EFCC1: variants seen among roughly 807,000 people sequenced by gnomAD.
EFCC1 encodes EF-hand and coiled-coil domain-containing protein 1.
A neutral mutation model predicts 52.1 loss-of-function variants in EFCC1; 50 were observed. The ratio of observed to expected loss-of-function variants is 0.96; its 90% CI spans 0.76 to 1.21. EFCC1 has a LOEUF of 1.21. Among genes scored for constraint, EFCC1 ranks in the 50% most tolerant of loss-of-function variants. The pLI is 0.00. For synonymous variants in EFCC1, 399 were observed against 396.5 expected, an observed-to-expected ratio of 1.01 and a Z score of -0.08; for missense variants, 837 against 867.3, an observed-to-expected ratio of 0.97 and a Z score of 0.44.
At chr3:129,021,049 G>T (rs1472111776) in intron 2 of EFCC1, among the ~76,000 whole-genome samples, 7 of 152,300 alleles carry the variant, frequency 4.6e-5, no homozygotes, top group Non-Finnish European at 2.9e-5. Flanking sequence ...GAAATTCGTG[G>T]GGAGGAGGGT....
chr3:129,002,172 C>G lies in EFCC1; in HGVS notation c.544C>G (p.Arg182Gly). 2 of 1,477,076 alleles carry G rather than the reference C, an allele frequency of 1.4e-6. No homozygotes were observed. The highest frequency in any genetic ancestry group is 1.3e-5 in the South Asian group (1 of 75,186). The allele number at this position is 1,477,076 out of a possible 1,614,324, so 91.5% of individuals were successfully genotyped here. A position where few individuals can be genotyped will look rare whatever the true frequency, so the allele number is the denominator to read the frequency against. Residue 182 changes from arginine to glycine, a missense_variant, in exon 1 of 8, where the codon CGC (arginine) becomes GGC (glycine). Transcript: ENST00000683648. Reference sequence around the variant, plus strand: ...GATCCGCCTGCGCCGTCCGCGCCGCCGCCGCCGCCCGCCCTGCGCGCCTGG... The same window carrying G: ...GATCCGCCTGCGCCGTCCGCGCCGCGGCCGCCGCCCGCCCTGCGCGCCTGG... Reference protein sequence around the residue: ...TQIRLRRPRRRRRPPCAPGPD... With the variant: ...TQIRLRRPRRGRRPPCAPGPD...
Position 129,032,823 on chromosome 3 carries a change from G to T in EFCC1, c.1143G>T (p.Val381=). The change falls in exon 4 of 8, where the codon GTG becomes GTT. Residue 381 remains valine (V), a synonymous_variant. Coordinates refer to ENST00000683648, the MANE Select transcript of EFCC1 (RefSeq NM_001377500.1). ...CCACATCCTGTGCTTCCCCAGCAGT[G>T]GACGAGCAGCTGTTCCGCTCCGTGG... ...SSGSRALDEA[V]DEQLFRSVEG... 1 of 1,551,018 alleles carries T rather than the reference G, an allele frequency of 6.4e-7. No homozygotes were observed. The highest frequency in any genetic ancestry group is 8.7e-7 in the Non-Finnish European group (1 of 1,146,728).
At chr3:129,002,366 A>G (rs1576687741) in intron 1 of EFCC1, 42 bp downstream of exon 1, 1 of 1,489,416 alleles carries the variant, frequency 6.7e-7, no homozygotes, top group Non-Finnish European at 8.9e-7. Context: ...CGCCCGGGAG[A>G]GGGCTCGAAC....
chr3:129,011,195 T>G (rs146926705), intron 2 of EFCC1, among the ~76,000 whole-genome samples: 11 of 152,296 alleles, frequency 7.2e-5, no homozygotes, highest in Admixed American at 2.6e-4. Context: ...CATGGAGTAT[T>G]TGAAGATTCA....
Position 129,014,385 on chromosome 3 carries a change from TCGCAGCGTTGG to T in EFCC1, c.980+10310_980+10320del, listed in dbSNP as rs1422732907. Among the ~76,000 whole-genome samples the T allele has an allele frequency of 7.9e-5, 12 of 152,254 alleles. 1 individual carries two copies. The East Asian group carries it at 2.1e-3, about 27-fold the overall frequency. On this transcript the variant is annotated intron_variant, in intron 2 of 7. Transcript: ENST00000683648. The surrounding 1 kb of genome is among the most constrained non-coding windows in gnomAD (Gnocchi z 4.3). ...TGTGGAGGCTGACCAGAGTGCGGTGTCGCAGCGTTGGCTTCTCCTGCGGCCTCTCTCCTGGG... is the reference window on the plus strand; with the variant it reads ...TGTGGAGGCTGACCAGAGTGCGGTGTCTTCTCCTGCGGCCTCTCTCCTGGG...
intron 2 of EFCC1, among the ~76,000 whole-genome samples, chr3:129,017,459 G>A (rs923438214): frequency 2.0e-5 from 3 of 152,244 alleles, no homozygotes; most frequent in African/African-American, 2.4e-5. Context: ...GCACAAGGCC[G>A]AAAGCAAGGC....
rs996935513 is a variant in EFCC1 at position 129,027,338 on chromosome 3, G to C, written c.981-3365G>C. 7.9e-5 allele frequency among the ~76,000 whole-genome samples: 12 copies of C among 152,286 alleles called. 1 individual carries two copies. The highest frequency in any genetic ancestry group is 2.6e-4 in the African/African-American group (11 of 41,564). On this transcript the variant is annotated intron_variant, in intron 2 of 7. Transcript: ENST00000683648. ...CAGGGGGCCCCGGCGCCCGTGCCCC[G>C]TTTGGGCTGTGCGCGCTGCCGGCTG...
chr3:129,031,441 C>A (rs111648159), intron 3 of EFCC1, among the ~76,000 whole-genome samples: 1,577 of 152,058 alleles, frequency 0.01, 27 homozygotes, highest in African/African-American at 0.036. Flanking sequence ...GCCCTGCCCC[C>A]CTAAAGAAAA....
intron 5 of EFCC1, among the ~76,000 whole-genome samples, chr3:129,036,526 C>T (rs1172468225): frequency 6.6e-6 from 1 of 152,254 alleles, no homozygotes; most frequent in African/African-American, 2.4e-5. Flanking sequence ...CGCCCCTCTC[C>T]TGGGGCTCTC....
intron 2 of EFCC1, among the ~76,000 whole-genome samples, chr3:129,007,079 T>A (rs1945107049): frequency 6.6e-6 from 1 of 152,210 alleles, no homozygotes; most frequent in Non-Finnish European, 1.5e-5. Flanking sequence ...GCACAGCGAC[T>A]TAGTGGCAAG....
chr3:129,016,324 A>C (rs1028855399), intron 2 of EFCC1, among the ~76,000 whole-genome samples: 2 of 152,260 alleles, frequency 1.3e-5, no homozygotes, highest in South Asian at 4.1e-4. Flanking sequence ...GTGAAAGAGA[A>C]GTTCCACCTG....
At chr3:129,015,080 C>T (rs560998167) in intron 2 of EFCC1, among the ~76,000 whole-genome samples, 109 of 152,352 alleles carry the variant, frequency 7.2e-4, no homozygotes, top group Admixed American at 1.1e-3. Context: ...ATCTTTTCAA[C>T]ACCCAGATCC....
In EFCC1 at chr3:129,002,253, A is replaced by C. The variant is rs1267724547; in HGVS notation, c.625A>C (p.Ser209Arg). The C allele has an allele frequency of 2.8e-5, 43 of 1,530,984 alleles. No individual in the cohort carries two copies. The highest frequency in any genetic ancestry group is 3.5e-5 in the Non-Finnish European group (40 of 1,144,784). 94.8% of individuals were successfully genotyped at this position (1,530,984 alleles called of 1,614,324 possible). The change falls in exon 1 of 8, where the codon AGC (serine) becomes CGC (arginine). Residue 209 changes from serine to arginine, a missense_variant. Transcript: ENST00000683648. ...RVARLEEENS[S>R]LRELVEDLRA... ...TGCGCGGCTGGAGGAGGAGAATAGC[A>C]GCTTGCGCGAGTTGGTGGAGGACCT...
chr3:129,016,884 G>A (rs909356806), intron 2 of EFCC1, among the ~76,000 whole-genome samples: 1 of 152,198 alleles, frequency 6.6e-6, no homozygotes, highest in Admixed American at 6.5e-5. Flanking sequence ...GCTTTATGCT[G>A]CAAGAACATA....
At position 129,001,859 on chromosome 3, in the gene EFCC1, C is replaced by T. The variant is rs1235430252; in HGVS notation, c.231C>T (p.Ala77=). The part of the protein sequence containing the change: ...DCRGAGRLPR[A]DFRALCAVLG... ...GCGGCGCCGGCCGTCTGCCCCGCGC[C>T]GACTTCCGAGCGCTCTGCGCTGTGC... Residue 77 remains alanine (A), a synonymous_variant, in exon 1 of 8, where the codon GCC becomes GCT. Coordinates refer to ENST00000683648, the MANE Select transcript of EFCC1 (RefSeq NM_001377500.1). The T allele has an allele frequency of 1.9e-6, 3 of 1,546,112 alleles. No individual in the cohort carries two copies. The highest frequency in any genetic ancestry group is 2.5e-5 in the East Asian group (1 of 40,710).
chr3:129,009,500 A>G (rs1030923605), intron 2 of EFCC1, among the ~76,000 whole-genome samples: 1 of 152,208 alleles, frequency 6.6e-6, no homozygotes, highest in Admixed American at 6.5e-5. Flanking sequence ...CATTCAGCCA[A>G]CTTGGAAACA....
In EFCC1 at chr3:129,002,213, T is replaced by C. The variant is rs1226975333; in HGVS notation, c.585T>C (p.Pro195=). Residue 195 remains proline, a synonymous_variant, in exon 1 of 8, where the codon CCT becomes CCC. Transcript: ENST00000683648. ...PPCAPGPDSG[P]DCERVARLEE... ...GCGCGCCTGGCCCCGACAGCGGTCC[T>C]GACTGTGAGCGCGTTGCGCGGCTGG... The C allele has an allele frequency of 6.5e-7, 1 of 1,527,070 alleles. No homozygotes were observed. The highest frequency in any genetic ancestry group is 8.8e-7 in the Non-Finnish European group (1 of 1,142,682). The allele number at this position is 1,527,070 out of a possible 1,614,324, so 94.6% of individuals were successfully genotyped here.
chr3:129,015,233 G>A (rs1028931689), intron 2 of EFCC1, among the ~76,000 whole-genome samples: 1 of 151,966 alleles, frequency 6.6e-6, no homozygotes, highest in Non-Finnish European at 1.5e-5. Flanking sequence ...TTGGGCATAC[G>A]GCTCCCTCCA....
At chr3:129,019,015 T>A (rs1346558110) in intron 2 of EFCC1, among the ~76,000 whole-genome samples, 1 of 152,126 alleles carries the variant, frequency 6.6e-6, no homozygotes, top group Non-Finnish European at 1.5e-5. Flanking sequence ...CAAGTGCGTG[T>A]CCTCCCCCAC....
Sources: allele counts gnomAD v4.1 joint callset (sites outside exome capture counted in the v4.1 genomes callset), GRCh38; gene constraint gnomAD v4.1.1; non-coding constraint Gnocchi (gnomAD v3.1); transcripts MANE v1.5; gene names NCBI Gene and HGNC (gene_info 2026-07-23, HGNC 2026-07-21).